Variants in PTP4A1 observed in about 807,000 individuals in gnomAD.
PTP4A1 encodes protein tyrosine phosphatase type IVA 1.
A neutral mutation model predicts 20.5 loss-of-function variants in PTP4A1; 9 were observed. That is an observed-to-expected ratio of 0.44 (90% CI 0.26 to 0.77). The LOEUF is 0.77. Among genes scored for constraint, PTP4A1 ranks in the 30% least tolerant of loss-of-function variants. The probability of loss-of-function intolerance (pLI) is 0.19; values close to 1 mark genes in which losing one functional copy is unlikely to be tolerated. For synonymous variants in PTP4A1, 78 were observed against 67.4 expected, an observed-to-expected ratio of 1.16 and a Z score of -0.77; for missense variants, 137 against 218.8, an observed-to-expected ratio of 0.63 and a Z score of 2.36.
intron 3 of PTP4A1, among the ~76,000 whole-genome samples, chr6:63,562,207 T>C (rs541866236): frequency 2.0e-5 from 3 of 151,560 alleles, no homozygotes; most frequent in Non-Finnish European, 2.9e-5. Context: ...TTTTCTTTTT[T>C]TTTTTTTTTG....
intron 2 of PTP4A1, among the ~76,000 whole-genome samples, chr6:63,541,738 G>A (rs1775984203): frequency 1.3e-5 from 2 of 152,078 alleles, no homozygotes; most frequent in Non-Finnish European, 2.9e-5. Flanking sequence ...TAAAAAAGAT[G>A]CATTTATTAA....
chr6:63,522,184 A>G (rs1354705889), intron 1 of PTP4A1, among the ~76,000 whole-genome samples: 1 of 152,202 alleles, frequency 6.6e-6, no homozygotes, highest in Non-Finnish European at 1.5e-5. Flanking sequence ...TTCTGATTTT[A>G]TGGAATGTCA....
chr6:63,543,087 G>A (rs1776048910), intron 2 of PTP4A1, among the ~76,000 whole-genome samples: 2 of 152,032 alleles, frequency 1.3e-5, no homozygotes, highest in Non-Finnish European at 2.9e-5. Context: ...ACCTTCTCCT[G>A]GCTGGATTAT....
At chr6:63,571,561 A>G (rs1777426177), upstream of PTP4A1, 1 of 152,246 alleles carries the variant, frequency 6.6e-6, no homozygotes, top group African/African-American at 2.4e-5. Flanking sequence ...TTTAGCTTTG[A>G]CGCAAAGAAT....
At chr6:63,553,310 C>T (rs1172492894) in intron 3 of PTP4A1, among the ~76,000 whole-genome samples, 1 of 152,174 alleles carries the variant, frequency 6.6e-6, no homozygotes, top group East Asian at 1.9e-4. Flanking sequence ...CATAAAGTAA[C>T]AGGATGCTGT....
At position 63,578,502 on chromosome 6, in the gene PTP4A1, T is replaced by A. The variant is rs1397281029; in HGVS notation, c.171T>A (p.Leu57=). 1.2e-6 allele frequency: 2 copies of A among 1,612,334 alleles called. No homozygotes were observed. Among genetic ancestry groups the A allele is most frequent in the Admixed American group, 1.7e-5 (1 of 59,584 alleles). The change falls in exon 3 of 6, where the codon CTT becomes CTA. Residue 57 remains leucine (L), a synonymous_variant. Transcript: ENST00000626021. ...GTGAAGCAACTTATGACACTACTCT[T>A]GTGGAGAAAGAAGGTATCCATGTTC... ...RVCEATYDTT[L]VEKEGIHVLD... is the part of the protein sequence containing the mutation.
intron 2 of PTP4A1, chr6:63,549,145 C>CT: frequency 1.5e-6 from 1 of 686,260 alleles, no homozygotes; most frequent in Non-Finnish European, 2.6e-6. Flanking sequence ...TTGCCAGCAG[C>CT]TTTCTTTTTG....
At chr6:63,518,863 G>C (rs1774823032), upstream of PTP4A1, among the ~76,000 whole-genome samples, 1 of 152,130 alleles carries the variant, frequency 6.6e-6, no homozygotes, top group Admixed American at 6.5e-5. Flanking sequence ...GGTAACTCTT[G>C]AAGACTGTTT....
chr6:63,538,692 C>G (rs1490354207), intron 2 of PTP4A1, among the ~76,000 whole-genome samples: 6 of 151,986 alleles, frequency 3.9e-5, no homozygotes, highest in African/African-American at 1.4e-4. Context: ...TAGTTTTTGC[C>G]TACAATAGTT....
chr6:63,580,223 A>G lies in PTP4A1; in HGVS notation c.*49A>G. The G allele has an allele frequency of 7.2e-7, 1 of 1,385,788 alleles. No individual in the cohort carries two copies. The highest frequency in any genetic ancestry group is 1.0e-6 in the Non-Finnish European group (1 of 974,966). The allele number at this position is 1,385,788 out of a possible 1,614,324, so 85.8% of individuals were successfully genotyped here. ...GAAGTGGAACTTGAGATAGGGCCTA[A>G]TTTGTTATACATATTAGCCAACATG... On this transcript the variant is annotated 3_prime_UTR_variant, in exon 6 of 6. Transcript: ENST00000626021.
At chr6:63,533,319 T>A (rs896079092) in intron 2 of PTP4A1, among the ~76,000 whole-genome samples, 6 of 152,080 alleles carry the variant, frequency 3.9e-5, no homozygotes, top group Non-Finnish European at 7.3e-5. Context: ...GAGGCAGAGG[T>A]TACAGTGAGC....
At chr6:63,549,565 A>AT in intron 2 of PTP4A1, 2 of 605,880 alleles carry the variant, frequency 3.3e-6, no homozygotes, top group South Asian at 2.1e-5. Flanking sequence ...CAAGATTTGA[A>AT]GTTTTTTTTT....
rs183303818 is a variant in PTP4A1, at chr6:63,553,859, C to T, written c.-446+3366C>T. On this transcript the variant is annotated intron_variant, in intron 3 of 3. Transcript: ENST00000639568. ...TATAATTGTAATGGAGTACAATTAA[C>T]GTATTTGAGTCAGGTTATTCAAAAG... Among the ~76,000 whole-genome samples, 620 of 152,190 alleles carry T rather than the reference C, an allele frequency of 4.1e-3. 3 individuals are homozygous for T. The highest frequency in any genetic ancestry group is 0.01 in the Middle Eastern group (3 of 294).
intron 2 of PTP4A1, among the ~76,000 whole-genome samples, chr6:63,548,389 A>T (rs1467056644): frequency 1.3e-5 from 2 of 152,326 alleles, no homozygotes; most frequent in Admixed American, 1.3e-4. Flanking sequence ...CAGGCTTAGA[A>T]CGGCACTAGG....
chr6:63,522,369 A>T (rs1486441348), intron 1 of PTP4A1, among the ~76,000 whole-genome samples: 2 of 152,240 alleles, frequency 1.3e-5, no homozygotes, highest in African/African-American at 2.4e-5. Flanking sequence ...AAAACATTCT[A>T]GTTAAACAGA....
rs967344186 is a variant in PTP4A1, at chr6:63,550,946, C to A, written c.-446+453C>A. On this transcript the variant is annotated intron_variant, in intron 3 of 3. Transcript: ENST00000639568. ...CAGCCCCATAATTTTTTTCAAATAA[C>A]CTTTATTTTTGCTTTGAGAATCTAA... Among the ~76,000 whole-genome samples, 4 of 151,944 alleles carry A rather than the reference C, an allele frequency of 2.6e-5. No individual in the cohort carries two copies. The East Asian group carries it at 7.7e-4, about 29-fold the overall frequency.
At chr6:63,548,897 G>A (rs1776314196) in intron 2 of PTP4A1, 2 of 873,366 alleles carry the variant, frequency 2.3e-6, no homozygotes, top group Admixed American at 1.7e-5. Flanking sequence ...TAACCTGTAT[G>A]AAGGCGACAG....
intron 3 of PTP4A1, among the ~76,000 whole-genome samples, chr6:63,560,362 G>A (rs1392935294): frequency 1.1e-4 from 15 of 141,084 alleles, no homozygotes; most frequent in East Asian, 2.1e-4. Context: ...AAAAAAGAAA[G>A]AAAGAAAAGA....
intron 1 of PTP4A1, among the ~76,000 whole-genome samples, chr6:63,575,495 C>T (rs887933725): frequency 6.6e-6 from 1 of 152,032 alleles, no homozygotes; most frequent in African/African-American, 2.4e-5. Context: ...TAAGGGGGAA[C>T]TTAGAGAAAA....
Sources: allele counts gnomAD v4.1 joint callset (sites outside exome capture counted in the v4.1 genomes callset), GRCh38; gene constraint gnomAD v4.1.1; transcripts MANE v1.5; gene names NCBI Gene and HGNC (gene_info 2026-07-23, HGNC 2026-07-21).